MPDZ: variants seen among roughly 807,000 people sequenced by gnomAD.
MPDZ encodes multiple PDZ domain crumbs cell polarity complex component.
MPDZ carries 234 observed loss-of-function variants against 239.1 expected under a neutral mutation model. The ratio of observed to expected loss-of-function variants is 0.98; its 90% confidence interval spans 0.88 to 1.09. MPDZ has a LOEUF of 1.09. Ranked by LOEUF, MPDZ falls within the 50% of genes least tolerant of loss-of-function variation. MPDZ has a pLI of 0.00. For missense variants in MPDZ, 3,175 were observed against 2,510.0 expected (o/e 1.26, Z -5.66); for synonymous variants, 1,048 against 881.3 (o/e 1.19, Z -3.35).
intron 23 of MPDZ, among the ~76,000 whole-genome samples, chr9:13,161,673 GT>G (rs905915947): frequency 7.2e-5 from 11 of 152,092 alleles, no homozygotes; most frequent in Admixed American, 2.0e-4. Flanking sequence ...TTGGTAGTCA[GT>G]TGCCAGCACA....
chr9:13,240,248 G>C (rs1181715749), intron 3 of MPDZ, among the ~76,000 whole-genome samples: 1 of 151,862 alleles, frequency 6.6e-6, no homozygotes, highest in East Asian at 1.9e-4. Context: ...TAATTATATA[G>C]GAATGGACAC....
chr9:13,127,485 T>A (rs1419480839), intron 32 of MPDZ, among the ~76,000 whole-genome samples: 1 of 152,166 alleles, frequency 6.6e-6, no homozygotes, highest in African/African-American at 2.4e-5. Flanking sequence ...TAAAACAGAG[T>A]TTTTAACATT....
intron 29 of MPDZ, among the ~76,000 whole-genome samples, chr9:13,137,367 T>C (rs1402537204): frequency 1.3e-5 from 2 of 152,096 alleles, no homozygotes; most frequent in African/African-American, 4.8e-5. Context: ...CCTGTGTCTA[T>C]AGGGAAACAT....
chr9:13,182,070 G>T (rs1002316843), intron 19 of MPDZ, among the ~76,000 whole-genome samples: 1 of 152,016 alleles, frequency 6.6e-6, no homozygotes, highest in African/African-American at 2.4e-5. Context: ...AAAAGAAAAT[G>T]CTTTGAAAAT....
chr9:13,168,787 A>ACATTCC (rs1375989638), intron 21 of MPDZ, among the ~76,000 whole-genome samples: 1 of 152,096 alleles, frequency 6.6e-6, no homozygotes, highest in African/African-American at 2.4e-5. Flanking sequence ...TTATAAACAA[A>ACATTCC]ACAGATCTAC....
intron 3 of MPDZ, among the ~76,000 whole-genome samples, chr9:13,244,222 CATAGA>C (rs1966069759): frequency 6.6e-6 from 1 of 152,148 alleles, no homozygotes. Flanking sequence ...GGAGAAACTT[CATAGA>C]ATAAATATGC....
chr9:13,117,208 G>A (rs1943592641), intron 39 of MPDZ, among the ~76,000 whole-genome samples: 1 of 152,084 alleles, frequency 6.6e-6, no homozygotes, highest in Admixed American at 6.6e-5. Context: ...CTGGGCAACT[G>A]AAACCACAGG....
intron 3 of MPDZ, among the ~76,000 whole-genome samples, chr9:13,237,850 T>C (rs750129734): frequency 6.6e-6 from 1 of 152,172 alleles, no homozygotes; most frequent in African/African-American, 2.4e-5. Context: ...TTGTATATTA[T>C]ATAATGAAAT....
chr9:13,257,229 G>T (rs1969652664), intron 1 of MPDZ, among the ~76,000 whole-genome samples: 1 of 152,166 alleles, frequency 6.6e-6, no homozygotes, highest in African/African-American at 2.4e-5. Context: ...GCACCAGAGT[G>T]CTAGGCAAGT....
chr9:13,170,319 T>C (rs1951624222), intron 21 of MPDZ, among the ~76,000 whole-genome samples: 1 of 152,152 alleles, frequency 6.6e-6, no homozygotes, highest in South Asian at 2.1e-4. Context: ...TATTTCATAG[T>C]GGATGTGGGC....
In MPDZ at chr9:13,173,363, T is replaced by G. The variant is rs542219521; in HGVS notation, c.3055+2389A>C. 6.6e-5 allele frequency among the ~76,000 whole-genome samples: 10 copies of G among 152,182 alleles called. No homozygotes were observed. In the East Asian group the frequency reaches 1.9e-3, roughly 29 times the overall value. On this transcript the variant is annotated intron_variant, in intron 21 of 46. Transcript: ENST00000319217. ...AAATCCATATAATCTCCCCAATAGA[T>G]GAAGAAATGCTTTGACAAAATTCAG... is the stretch of plus-strand genomic sequence containing the variant.
intron 30 of MPDZ, 44 bp downstream of exon 30, chr9:13,136,668 G>T: frequency 8.2e-7 from 1 of 1,226,058 alleles, no homozygotes; most frequent in Non-Finnish European, 1.2e-6. Context: ...GAGAAGAAAT[G>T]CTAACAAAAA....
intron 28 of MPDZ, among the ~76,000 whole-genome samples, chr9:13,138,772 A>C (rs567667515): frequency 6.6e-6 from 1 of 152,292 alleles, no homozygotes. Context: ...CTTTAATCTA[A>C]GAGGGCTGAC....
chr9:13,155,243 A>G (rs1243901362), intron 24 of MPDZ, among the ~76,000 whole-genome samples: 1 of 152,122 alleles, frequency 6.6e-6, no homozygotes, highest in Admixed American at 6.6e-5. Context: ...TAATTGGTAT[A>G]GCAACCTTAA....
chr9:13,240,207 T>C (rs901518539), intron 3 of MPDZ, among the ~76,000 whole-genome samples: 1 of 151,762 alleles, frequency 6.6e-6, no homozygotes, highest in Non-Finnish European at 1.5e-5. Flanking sequence ...TAGAGGAAAA[T>C]AAAAATAAAA....
At position 13,271,545 on chromosome 9, in the gene MPDZ, A is replaced by T. The variant is rs201305681; in HGVS notation, c.-58+7855T>A. On this transcript the variant is annotated intron_variant, in intron 1 of 46. Coordinates refer to ENST00000319217, the MANE Select transcript of MPDZ (RefSeq NM_001378778.1). ...ACTTTTATCATGAAAATGATGCAAA[A>T]ACCCCAAATCTATCCTCTTCTTTGG... is the stretch of plus-strand genomic sequence containing the variant. 4.6e-5 allele frequency among the ~76,000 whole-genome samples: 7 copies of T among 152,330 alleles called. No individual in the cohort carries two copies. The East Asian group carries it at 1.3e-3, about 29-fold the overall frequency.
chr9:13,214,605 A>G (rs1958051333), intron 10 of MPDZ, among the ~76,000 whole-genome samples: 1 of 152,026 alleles, frequency 6.6e-6, no homozygotes, highest in Admixed American at 6.6e-5. Context: ...TATTTTTTTA[A>G]AAGTTTTCTA....
At chr9:13,170,748 A>G (rs1179987511) in intron 21 of MPDZ, among the ~76,000 whole-genome samples, 1 of 152,176 alleles carries the variant, frequency 6.6e-6, no homozygotes, top group East Asian at 1.9e-4. Context: ...ATTCACTTTT[A>G]ATAGCATATT....
intron 10 of MPDZ, among the ~76,000 whole-genome samples, chr9:13,214,895 G>C (rs188747201): frequency 1.6e-4 from 25 of 151,938 alleles, no homozygotes; most frequent in African/African-American, 6.0e-4. Context: ...GAGTTTCACA[G>C]AACAAAACCC....
Sources: gnomAD v4.1 joint callset for allele counts (sites outside exome capture counted in the v4.1 genomes callset) on GRCh38, gnomAD v4.1.1 for gene constraint, MANE v1.5 for transcripts, NCBI Gene and HGNC (gene_info 2026-07-23, HGNC 2026-07-21) for gene names.